The following BRCC3 variants were observed in gnomAD, a reference collection of about 807,000 sequenced individuals.
The protein encoded by BRCC3 is BRCA1/BRCA2-containing complex subunit 3.
In BRCC3, 15 loss-of-function variants were observed where a neutral mutation model predicts 28.0. That is an observed-to-expected ratio of 0.54 (90% CI 0.36 to 0.82). BRCC3 has a LOEUF of 0.82. Ranked by LOEUF, BRCC3 falls within the 40% of genes least tolerant of loss-of-function variation. The probability of loss-of-function intolerance (pLI) is 0.01; values close to 1 mark genes in which losing one functional copy is unlikely to be tolerated. For synonymous variants in BRCC3, 66 were observed against 80.3 expected (o/e 0.82, Z 0.95); for missense variants, 109 against 225.9 (o/e 0.48, Z 3.32).
chrX:155,085,788 C>T (rs782667901), intron 5 of BRCC3, among the ~76,000 whole-genome samples: 19 of 111,963 alleles, frequency 1.7e-4, no homozygotes, highest in Non-Finnish European at 7.5e-5. Context: ...AGGGTCTTGG[C>T]TTGAGCCTTG....
In BRCC3 at chrX:155,121,971, T is replaced by G. The variant is rs916579281; in HGVS notation, c.*767T>G. The G allele has an allele frequency of 2.7e-5, 3 of 110,455 alleles. No individual in the cohort carries two copies. The highest frequency in any genetic ancestry group is 5.7e-5 in the Non-Finnish European group (3 of 52,874). The allele number at this position is 110,455 out of a possible 1,213,427, so 9.1% of individuals were successfully genotyped here. A position where few individuals can be genotyped will look rare whatever the true frequency, so the allele number is the denominator to read the frequency against. The stretch of plus-strand genomic sequence containing the variant: ...GTGAGACTCTTGTCTCTACAAAAAG[T>G]TTTTTTAAAAAATTAACTGGGCACC... On this transcript the variant is annotated 3_prime_UTR_variant, in exon 11 of 11. Transcript: ENST00000330045.
chrX:155,075,214 T>C (rs1479563051), intron 3 of BRCC3, among the ~76,000 whole-genome samples: 1 of 112,612 alleles, frequency 8.9e-6, no homozygotes, highest in Admixed American at 9.3e-5. Flanking sequence ...AGTGAAAATC[T>C]ATAGCTTGTT....
At chrX:155,119,830 T>C (rs782193746) in intron 9 of BRCC3, among the ~76,000 whole-genome samples, 169 bp from the exon 10 acceptor site, 1 of 112,270 alleles carries the variant, frequency 8.9e-6, no homozygotes, top group East Asian at 2.8e-4. Flanking sequence ...TTCCCCTGGC[T>C]GGGCACAGAA....
At chrX:155,083,690 T>A (rs942289815) in intron 5 of BRCC3, among the ~76,000 whole-genome samples, 2 of 112,457 alleles carry the variant, frequency 1.8e-5, no homozygotes, top group Non-Finnish European at 3.8e-5. Flanking sequence ...ATACTTCACA[T>A]TGAGGAAAAC....
intron 7 of BRCC3, among the ~76,000 whole-genome samples, chrX:155,104,123 A>G (rs1369724417): frequency 5.4e-5 from 6 of 111,111 alleles, no homozygotes; most frequent in African/African-American, 2.0e-4. Context: ...ATTCATTTTA[A>G]TGTTTTTGTC....
At chrX:155,117,570 G>A (rs1569560609) in intron 9 of BRCC3, among the ~76,000 whole-genome samples, 1 of 110,834 alleles carries the variant, frequency 9.0e-6, no homozygotes. Context: ...CCATAATTTC[G>A]GTCTCAGGAT....
At position 155,075,284 on chromosome X, in the gene BRCC3, A is replaced by T. The variant is rs1261502085; in HGVS notation, c.195+1853A>T. ...TTCAACATCTGATAATGCTAAGCCC[A>T]CTCTTTCCCCTGGCCCTTCTTGTTC... On this transcript the variant is annotated intron_variant, in intron 3 of 10. Transcript: ENST00000330045. Among the ~76,000 whole-genome samples the T allele has an allele frequency of 8.0e-5, 4 of 50,160 alleles. No individual in the cohort carries two copies. In the African/African-American group the frequency reaches 2.3e-3, roughly 29 times the overall value. The allele number at this position is 50,160 out of a possible 115,157, so 43.6% of individuals were successfully genotyped here.
chrX:155,079,334 G>C (rs1557293969), intron 5 of BRCC3, among the ~76,000 whole-genome samples: 1 of 111,796 alleles, frequency 8.9e-6, no homozygotes, highest in African/African-American at 3.3e-5. Flanking sequence ...CATGAATTAA[G>C]TAAGTTGCAG....
At chrX:155,116,221 C>A in intron 8 of BRCC3, 33 bp downstream of exon 8, 1 of 1,143,581 alleles carries the variant, frequency 8.7e-7, no homozygotes, top group Non-Finnish European at 1.2e-6. Flanking sequence ...TTCTCTACTT[C>A]TCAGGACCTA....
chrX:155,078,032 T>C (rs782622081), intron 4 of BRCC3, among the ~76,000 whole-genome samples: 28 of 112,333 alleles, frequency 2.5e-4, no homozygotes, highest in Non-Finnish European at 4.5e-4. Flanking sequence ...GTTAAGCACT[T>C]ACTAGGTGTT....
chrX:155,086,455 A>G (rs1252245338), intron 5 of BRCC3, among the ~76,000 whole-genome samples: 1 of 110,701 alleles, frequency 9.0e-6, no homozygotes, highest in Non-Finnish European at 1.9e-5. Flanking sequence ...GGCTCAAGCG[A>G]TTCTCCTGTC....
chrX:155,074,147 A>C (rs782343334), intron 3 of BRCC3, among the ~76,000 whole-genome samples: 213 of 112,309 alleles, frequency 1.9e-3, no homozygotes, highest in African/African-American at 6.7e-3. Context: ...CAGCTTCTTC[A>C]GAGACCTTGT....
intron 5 of BRCC3, among the ~76,000 whole-genome samples, chrX:155,082,786 A>C (rs1463248816): frequency 2.7e-5 from 3 of 112,587 alleles, no homozygotes; most frequent in Admixed American, 9.4e-5. Flanking sequence ...TTTGCCAGTT[A>C]ACTCAATATT....
At chrX:155,073,299 A>G in intron 2 of BRCC3, 78 bp from the exon 3 acceptor site, 1 of 1,050,789 alleles carries the variant, frequency 9.5e-7, no homozygotes, top group South Asian at 2.1e-5. Context: ...AAAACAGTTA[A>G]TCCTGTTATT....
At chrX:155,115,302 G>A (rs1389197516) in intron 7 of BRCC3, among the ~76,000 whole-genome samples, 1 of 111,945 alleles carries the variant, frequency 8.9e-6, no homozygotes, top group Non-Finnish European at 1.9e-5. Flanking sequence ...CATCTAGGTT[G>A]TGGTATGGGG....
At chrX:155,074,694 C>T (rs2074016624) in intron 3 of BRCC3, among the ~76,000 whole-genome samples, 2 of 111,832 alleles carry the variant, frequency 1.8e-5, no homozygotes, top group African/African-American at 6.5e-5. Context: ...GATTTCATGC[C>T]CTCGTCTTGA....
Position 155,123,028 on chromosome X carries a change from G to A in BRCC3, c.*1824G>A, listed in dbSNP as rs969697438. 18 of 111,464 alleles carry A rather than the reference G, an allele frequency of 1.6e-4. No individual in the cohort carries two copies. Among genetic ancestry groups the A allele is most frequent in the African/African-American group, 5.9e-4 (18 of 30,662 alleles). The allele number at this position is 111,464 out of a possible 1,213,427, so 9.2% of individuals were successfully genotyped here. ...CCTACATACACACAAATGAATGCAT[G>A]TAAAATCTGGTGATACTGAATAAAG... is the stretch of plus-strand genomic sequence containing the variant. On this transcript the variant is annotated 3_prime_UTR_variant, in exon 11 of 11. Coordinates refer to ENST00000330045, the MANE Select transcript of BRCC3 (RefSeq NM_001018055.3).
At chrX:155,095,302 A>G (rs1250889524) in intron 7 of BRCC3, among the ~76,000 whole-genome samples, 1 of 111,437 alleles carries the variant, frequency 9.0e-6, no homozygotes, top group East Asian at 2.8e-4. Context: ...TTTTATTGTT[A>G]TTTATTTATT....
intron 7 of BRCC3, among the ~76,000 whole-genome samples, chrX:155,104,900 A>AGTATTT (rs2074268748): frequency 8.9e-6 from 1 of 112,988 alleles, no homozygotes; most frequent in Admixed American, 9.3e-5. Context: ...CATATGCCTA[A>AGTATTT]GAGTGTATAC....
Sources: gnomAD v4.1 joint callset for allele counts (sites outside exome capture counted in the v4.1 genomes callset) on GRCh38, gnomAD v4.1.1 for gene constraint, MANE v1.5 for transcripts, NCBI Gene and HGNC (gene_info 2026-07-23, HGNC 2026-07-21) for gene names.